Variants in EYS observed in about 807,000 individuals in gnomAD.
The protein encoded by EYS is protein eyes shut homolog.
A neutral mutation model predicts 282.1 loss-of-function variants in EYS; 250 were observed. The observed-to-expected ratio is 0.89, with a 90% CI of 0.80 to 0.98. The LOEUF (loss-of-function observed/expected upper bound fraction) is 0.98, where lower values mean the gene tolerates loss of function less well. EYS is among the 50% of genes least tolerant of loss of function. The pLI, the probability that EYS is intolerant of heterozygous loss-of-function variation, is 0.00. For synonymous variants in EYS, 1,355 were observed against 1,282.9 expected, an observed-to-expected ratio of 1.06 and a Z score of -1.20; for missense variants, 4,016 against 3,709.0, an observed-to-expected ratio of 1.08 and a Z score of -2.15.
intron 35 of EYS, among the ~76,000 whole-genome samples, chr6:63,948,054 A>T (rs1765451192): frequency 6.6e-6 from 1 of 152,224 alleles, no homozygotes; most frequent in African/African-American, 2.4e-5. Context: ...AAATATAGTG[A>T]ACTAAATGAT....
chr6:63,997,662 C>A (rs75179622), intron 34 of EYS, among the ~76,000 whole-genome samples: 2,177 of 152,160 alleles, frequency 0.014, 51 homozygotes, highest in African/African-American at 0.042. Flanking sequence ...GCATTCTGAT[C>A]GGTATTTCAT....
chr6:64,222,367 C>T (rs1295004274), intron 31 of EYS, among the ~76,000 whole-genome samples: 1 of 151,710 alleles, frequency 6.6e-6, no homozygotes, highest in African/African-American at 2.4e-5. Flanking sequence ...TCCCAGAGAC[C>T]ACACGTTTTG....
chr6:63,882,767 A>G (rs1245281968), intron 35 of EYS, among the ~76,000 whole-genome samples: 1 of 152,192 alleles, frequency 6.6e-6, no homozygotes, highest in Non-Finnish European at 1.5e-5. Flanking sequence ...TTAATCCGAA[A>G]CATAAAAAAT....
chr6:63,934,790 C>A (rs536500241), intron 35 of EYS, among the ~76,000 whole-genome samples: 1 of 151,400 alleles, frequency 6.6e-6, no homozygotes, highest in South Asian at 2.1e-4. Context: ...AGGAGATATA[C>A]CTAATGTTAA....
intron 1 of EYS, among the ~76,000 whole-genome samples, chr6:65,641,079 A>G (rs1398885249): frequency 6.6e-6 from 1 of 152,116 alleles, no homozygotes; most frequent in Non-Finnish European, 1.5e-5. Flanking sequence ...AACTTAGCTT[A>G]GCTAGAAATA....
At chr6:65,430,722 C>T (rs940067912) in intron 5 of EYS, among the ~76,000 whole-genome samples, 1 of 152,192 alleles carries the variant, frequency 6.6e-6, no homozygotes, top group Non-Finnish European at 1.5e-5. Flanking sequence ...TGGTCAGAGT[C>T]ATGAGGCCCC....
chr6:65,008,279 T>G (rs1771750371), intron 13 of EYS, among the ~76,000 whole-genome samples: 2 of 152,112 alleles, frequency 1.3e-5, no homozygotes, highest in African/African-American at 4.8e-5. Context: ...CTCACCTGAT[T>G]CTATTGAAGG....
At chr6:65,602,642 A>G (rs1765651563) in intron 2 of EYS, among the ~76,000 whole-genome samples, 1 of 151,992 alleles carries the variant, frequency 6.6e-6, no homozygotes, top group African/African-American at 2.4e-5. Context: ...TGTATATTAA[A>G]TAAAAAAGAC....
intron 35 of EYS, among the ~76,000 whole-genome samples, chr6:63,918,730 G>A (rs768459952): frequency 2.2e-4 from 33 of 152,100 alleles, no homozygotes; most frequent in Admixed American, 1.2e-3. Context: ...CATTTCCGTC[G>A]AAACAAGTAC....
Position 64,889,893 on chromosome 6 carries a change from C to T in EYS, c.2847-3051G>A, listed in dbSNP as rs952602261. Among the ~76,000 whole-genome samples the T allele has an allele frequency of 3.3e-5, 5 of 152,152 alleles. No individual in the cohort carries two copies. The South Asian group carries it at 8.3e-4, about 25-fold the overall frequency. ...ACTGTTCAGGGAATAAGAGAGATAA[C>T]CTTAAACTCTGACCGCCGGTGAGCT... On this transcript the variant is annotated intron_variant, in intron 18 of 42. Transcript: ENST00000503581.
intron 29 of EYS, among the ~76,000 whole-genome samples, chr6:64,345,307 G>A (rs200086300): frequency 6.7e-6 from 1 of 150,262 alleles, no homozygotes; most frequent in Non-Finnish European, 1.5e-5. Context: ...ACTATACTAT[G>A]AGGCTACAGT....
intron 8 of EYS, among the ~76,000 whole-genome samples, chr6:65,363,979 A>G (rs1437435024): frequency 1.3e-5 from 2 of 151,324 alleles, no homozygotes; most frequent in African/African-American, 4.8e-5. Context: ...TGCTACAATA[A>G]TATCTTAATT....
chr6:64,549,483 G>C (rs533662294), intron 26 of EYS, among the ~76,000 whole-genome samples: 1 of 152,296 alleles, frequency 6.6e-6, no homozygotes, highest in South Asian at 2.1e-4. Flanking sequence ...ACTGTGAGAT[G>C]GTTAAGGAAA....
At chr6:64,151,319 A>ATATATATATATATATATATATT (rs1774705425) in intron 31 of EYS, among the ~76,000 whole-genome samples, 6 of 25,454 alleles carry the variant, frequency 2.4e-4, no homozygotes, top group African/African-American at 9.0e-4. Flanking sequence ...GTGTATATTT[A>ATATATATATATATATATATATT]TATATATATA....
intron 8 of EYS, among the ~76,000 whole-genome samples, chr6:65,360,950 C>T (rs1764680448): frequency 6.6e-6 from 1 of 151,942 alleles, no homozygotes; most frequent in Non-Finnish European, 1.5e-5. Context: ...CAATCTTTTC[C>T]ATATTTCCAT....
At chr6:65,011,283 A>C (rs1771857768) in intron 13 of EYS, among the ~76,000 whole-genome samples, 1 of 152,220 alleles carries the variant, frequency 6.6e-6, no homozygotes, top group Non-Finnish European at 1.5e-5. Flanking sequence ...ACTATCAAGC[A>C]GATAGTCAGG....
intron 22 of EYS, among the ~76,000 whole-genome samples, chr6:64,759,593 A>C (rs930737913): frequency 5.9e-5 from 9 of 152,210 alleles, no homozygotes; most frequent in Non-Finnish European, 8.8e-5. Flanking sequence ...CAGAATTAAC[A>C]CTGAGAGGTT....
At chr6:65,440,880 A>T (rs1379093663) in intron 5 of EYS, among the ~76,000 whole-genome samples, 2 of 147,216 alleles carry the variant, frequency 1.4e-5, no homozygotes, top group East Asian at 3.9e-4. Flanking sequence ...TTATATATTT[A>T]TATTATATAT....
chr6:65,611,366 T>A (rs1411490255), intron 2 of EYS, among the ~76,000 whole-genome samples: 2 of 151,972 alleles, frequency 1.3e-5, no homozygotes, highest in Non-Finnish European at 1.5e-5. Flanking sequence ...ATAAATAAAT[T>A]ATTTGAAAAG....
Sources: allele counts gnomAD v4.1 joint callset (sites outside exome capture counted in the v4.1 genomes callset), GRCh38; gene constraint gnomAD v4.1.1; transcripts MANE v1.5; gene names NCBI Gene and HGNC (gene_info 2026-07-23, HGNC 2026-07-21).